The following VIT variants were observed in gnomAD, a reference collection of about 807,000 sequenced individuals.
The protein encoded by VIT is vitrin.
Under a neutral mutation model 78.0 loss-of-function variants are expected in VIT, and 99 were observed. The observed-to-expected ratio is 1.27, with a 90% CI of 1.08 to 1.50. The LOEUF is 1.50. Among genes scored for constraint, VIT ranks in the 40% most tolerant of loss-of-function variants. VIT has a pLI of 0.00. For synonymous variants in VIT, 374 were observed against 334.3 expected (o/e 1.12, Z -1.29); for missense variants, 1,126 against 875.3 (o/e 1.29, Z -3.61).
chr2:36,782,058 T>C (rs968403992), intron 10 of VIT, among the ~76,000 whole-genome samples: 4 of 152,222 alleles, frequency 2.6e-5, no homozygotes, highest in African/African-American at 4.8e-5. Flanking sequence ...GTTTGGACCC[T>C]GACTCTATCT....
In VIT at chr2:36,716,675, A is replaced by G. The variant is rs190873118; in HGVS notation, c.52+253A>G. ...ACATATATGTCTTGGTATATTACCT[A>G]TTGCACACACACATACACACACCTA... On this transcript the variant is annotated intron_variant, in intron 2 of 15. Transcript: ENST00000379242. 1.3e-3 allele frequency among the ~76,000 whole-genome samples: 191 copies of G among 152,238 alleles called. 1 individual carries two copies. The highest frequency in any genetic ancestry group is 4.5e-3 in the African/African-American group (185 of 41,548).
rs372747416 is a variant in VIT, at chr2:36,699,083, C to T, written c.-19+2110C>T. On this transcript the variant is annotated intron_variant, in intron 1 of 15. Transcript: ENST00000379242. ...ACATGTTCCCATGATGCTGTGTCCA[C>T]ATGTGCAACTTCCCCTCTCCTTGCT... is the stretch of plus-strand genomic sequence containing the variant. 2.4e-4 allele frequency among the ~76,000 whole-genome samples: 37 copies of T among 152,172 alleles called. No homozygotes were observed. In the South Asian group the frequency reaches 3.7e-3, roughly 15 times the overall value.
intron 2 of VIT, among the ~76,000 whole-genome samples, chr2:36,724,082 G>C (rs182694725): frequency 6.6e-6 from 1 of 151,214 alleles, no homozygotes; most frequent in Non-Finnish European, 1.5e-5. Flanking sequence ...GCAGTGGTGC[G>C]ATCTCGGCTC....
intron 3 of VIT, among the ~76,000 whole-genome samples, chr2:36,739,600 G>T (rs1373732731): frequency 3.9e-5 from 6 of 152,202 alleles, no homozygotes. Context: ...TTTGCAGGTG[G>T]TTCTCTTTTC....
intron 6 of VIT, among the ~76,000 whole-genome samples, chr2:36,764,078 G>A (rs4670603): frequency 0.96 from 146,934 of 152,338 alleles, 71,079 homozygotes; most frequent in East Asian, 1. Flanking sequence ...AGACTGGGAT[G>A]GTCAGCAGCC....
At chr2:36,710,239 A>C (rs904530201) in intron 1 of VIT, among the ~76,000 whole-genome samples, 1 of 152,138 alleles carries the variant, frequency 6.6e-6, no homozygotes, top group African/African-American at 2.4e-5. Flanking sequence ...TTTTATTAAT[A>C]TTGGATTTAT....
intron 9 of VIT, among the ~76,000 whole-genome samples, chr2:36,779,951 A>G (rs1025773056): frequency 2.6e-5 from 4 of 152,170 alleles, no homozygotes; most frequent in Non-Finnish European, 5.9e-5. Context: ...AAAGTAAGTG[A>G]GCCCCCCAGG....
intron 4 of VIT, among the ~76,000 whole-genome samples, chr2:36,745,109 G>A (rs180964271): frequency 5.9e-5 from 9 of 151,982 alleles, no homozygotes; most frequent in Admixed American, 5.2e-4. Flanking sequence ...TCAACTTTGT[G>A]GACAATCAGA....
intron 1 of VIT, among the ~76,000 whole-genome samples, chr2:36,708,435 G>A: frequency 6.6e-6 from 1 of 152,176 alleles, no homozygotes; most frequent in East Asian, 1.9e-4. Context: ...CTACATGTCT[G>A]CTAGGGCAGA....
chr2:36,755,935 G>A (rs983879074), intron 5 of VIT, among the ~76,000 whole-genome samples: 1 of 148,356 alleles, frequency 6.7e-6, no homozygotes, highest in Non-Finnish European at 1.5e-5. Flanking sequence ...GTTCACGGTA[G>A]TGCTTGAGGA....
Position 36,765,412 on chromosome 2 carries a change from G to C in VIT, c.488-1682G>C, listed in dbSNP as rs535568705. On this transcript the variant is annotated intron_variant, in intron 6 of 15. Coordinates refer to ENST00000379242, the MANE Select transcript of VIT (RefSeq NM_053276.4). ...AGCAGGCATGTCTTACATGGCAGCA[G>C]GCGAGAGAGAGAGAGAGAGAGAAAG... Among the ~76,000 whole-genome samples, 31 of 37,378 alleles carry C rather than the reference G, an allele frequency of 8.3e-4. No homozygotes were observed. The South Asian group carries it at 0.019, about 23-fold the overall frequency. 24.5% of individuals were successfully genotyped at this position (37,378 alleles called of 152,430 possible).
intron 4 of VIT, among the ~76,000 whole-genome samples, chr2:36,743,515 T>C (rs1667961374): frequency 6.6e-6 from 1 of 152,238 alleles, no homozygotes; most frequent in Non-Finnish European, 1.5e-5. Context: ...CTGTATTCAT[T>C]TTTTATCTTT....
At chr2:36,700,888 G>A (rs562164155) in intron 1 of VIT, among the ~76,000 whole-genome samples, 48 of 151,948 alleles carry the variant, frequency 3.2e-4, no homozygotes, top group Middle Eastern at 6.8e-3. Flanking sequence ...TTATACAGAT[G>A]AAAAAAACGA....
chr2:36,712,144 G>T (rs1046046785), intron 1 of VIT, among the ~76,000 whole-genome samples: 2 of 126,378 alleles, frequency 1.6e-5, no homozygotes, highest in African/African-American at 6.0e-5. Context: ...CTGAGAGAGG[G>T]TTTGATTTTT....
At chr2:36,796,323 T>A (rs1665899026) in intron 12 of VIT, among the ~76,000 whole-genome samples, 1 of 152,256 alleles carries the variant, frequency 6.6e-6, no homozygotes, top group Non-Finnish European at 1.5e-5. Flanking sequence ...CAAGGTTATA[T>A]ATTGTTCTGT....
At chr2:36,796,839 A>G (rs1262021428) in intron 12 of VIT, among the ~76,000 whole-genome samples, 1 of 152,174 alleles carries the variant, frequency 6.6e-6, no homozygotes, top group East Asian at 1.9e-4. Flanking sequence ...CGTTTAATTT[A>G]TGATTGGCTA....
intron 12 of VIT, among the ~76,000 whole-genome samples, chr2:36,798,748 G>A (rs1385072605): frequency 6.6e-6 from 1 of 152,018 alleles, no homozygotes; most frequent in African/African-American, 2.4e-5. Flanking sequence ...AACAGAGCAA[G>A]ACTCCATCTC....
chr2:36,776,167 G>A (rs1256271056), intron 9 of VIT, among the ~76,000 whole-genome samples: 1 of 152,194 alleles, frequency 6.6e-6, no homozygotes, highest in African/African-American at 2.4e-5. Context: ...ACTATTAGAC[G>A]TAACTATCCA....
chr2:36,746,514 T>C (rs1449512953), intron 4 of VIT, among the ~76,000 whole-genome samples: 1 of 152,042 alleles, frequency 6.6e-6, no homozygotes, highest in Non-Finnish European at 1.5e-5. Flanking sequence ...ATTTTCTTTC[T>C]AGTTCAATCT....
Sources: gnomAD v4.1 joint callset for allele counts (sites outside exome capture counted in the v4.1 genomes callset) on GRCh38, gnomAD v4.1.1 for gene constraint, MANE v1.5 for transcripts, NCBI Gene and HGNC (gene_info 2026-07-23, HGNC 2026-07-21) for gene names.